Variants in CADPS observed in about 807,000 individuals in gnomAD.
CADPS encodes calcium-dependent secretion activator 1.
CADPS carries 57 observed loss-of-function variants against 167.3 expected under a neutral mutation model. The observed-to-expected ratio is 0.34, with a 90% CI of 0.28 to 0.42. The LOEUF is 0.42. Among genes scored for constraint, CADPS ranks in the 20% least tolerant of loss-of-function variants. The pLI is 1.00. For synonymous variants in CADPS, 676 were observed against 635.3 expected (o/e 1.06, Z -0.96); for missense variants, 1,414 against 1,738.1 (o/e 0.81, Z 3.32).
chr3:62,557,024 C>G (rs942851258), intron 10 of CADPS, among the ~76,000 whole-genome samples: 38 of 151,200 alleles, frequency 2.5e-4, no homozygotes, highest in East Asian at 9.7e-4. Context: ...CACACACACA[C>G]ACACACACAC....
At chr3:62,510,686 C>G (rs2067611947) in intron 17 of CADPS, among the ~76,000 whole-genome samples, 1 of 152,110 alleles carries the variant, frequency 6.6e-6, no homozygotes, top group Admixed American at 6.6e-5. Flanking sequence ...GACTCAGCAG[C>G]TGTCCATATT....
rs1346167805 is a variant in CADPS, at chr3:62,442,210, TGA to T, written c.3669+3553_3669+3554del. ...AATAGTTAGTGGTATGCTGGTAAAC[TGA>T]CTCTTTTTTTTTTTTTGAGATGGAG... On this transcript the variant is annotated intron_variant, in intron 27 of 29. Transcript: ENST00000383710. Among the ~76,000 whole-genome samples, 17 of 139,492 alleles carry T rather than the reference TGA, an allele frequency of 1.2e-4. 2 individuals are homozygous for T. The Admixed American group carries it at 1.2e-3, about 10-fold the overall frequency. 91.5% of individuals were successfully genotyped at this position (139,492 alleles called of 152,430 possible).
chr3:62,737,228 C>T (rs2079157720), intron 3 of CADPS, among the ~76,000 whole-genome samples: 1 of 152,030 alleles, frequency 6.6e-6, no homozygotes, highest in African/African-American at 2.4e-5. Context: ...GTGGGAAGAT[C>T]ACTTGAGGCC....
intron 6 of CADPS, among the ~76,000 whole-genome samples, chr3:62,604,576 A>G (rs1294357616): frequency 6.6e-6 from 1 of 152,242 alleles, no homozygotes; most frequent in East Asian, 1.9e-4. Context: ...GGTTGGAGCT[A>G]AGCAACAGGA....
At chr3:62,475,762 G>C (rs1337792048) in intron 23 of CADPS, among the ~76,000 whole-genome samples, 1 of 152,080 alleles carries the variant, frequency 6.6e-6, no homozygotes, top group Non-Finnish European at 1.5e-5. Flanking sequence ...TACATCATTT[G>C]CCGGTTTTGT....
intron 1 of CADPS, among the ~76,000 whole-genome samples, chr3:62,804,591 G>C (rs778511964): frequency 6.6e-6 from 1 of 151,292 alleles, no homozygotes; most frequent in Non-Finnish European, 1.5e-5. Flanking sequence ...TCAGAGATGA[G>C]AGCTGCAGTA....
At position 62,401,501 on chromosome 3, in the gene CADPS, G is replaced by T. The variant is rs1206064714; in HGVS notation, c.3882+1580C>A. On this transcript the variant is annotated intron_variant, in intron 29 of 29. Transcript: ENST00000383710. ...AATAAATGCTTGCTGAATAATAAATGAATGGGTGAATAAATGAAGTGGCTG... is the reference window on the plus strand; with the variant it reads ...AATAAATGCTTGCTGAATAATAAATTAATGGGTGAATAAATGAAGTGGCTG... Among the ~76,000 whole-genome samples, 6 of 152,178 alleles carry T rather than the reference G, an allele frequency of 3.9e-5. 1 individual carries two copies. The highest frequency in any genetic ancestry group is 1.5e-5 in the Non-Finnish European group (1 of 68,034).
chr3:62,570,354 A>G (rs182775998), intron 9 of CADPS, among the ~76,000 whole-genome samples: 24 of 152,206 alleles, frequency 1.6e-4, no homozygotes, highest in African/African-American at 5.5e-4. Context: ...GAGCACTCCC[A>G]CACAGATAAT....
intron 1 of CADPS, among the ~76,000 whole-genome samples, chr3:62,797,624 T>C (rs1296108445): frequency 6.6e-6 from 1 of 151,892 alleles, no homozygotes; most frequent in African/African-American, 2.4e-5. Context: ...TGAGAACACA[T>C]GGACACATAG....
chr3:62,430,934 G>T (rs540716872), intron 28 of CADPS, among the ~76,000 whole-genome samples: 1 of 152,166 alleles, frequency 6.6e-6, no homozygotes, highest in South Asian at 2.1e-4. Context: ...TCTTCTTCCT[G>T]TAACTGCCTT....
intron 4 of CADPS, among the ~76,000 whole-genome samples, chr3:62,655,132 T>C (rs1008074998): frequency 1.3e-5 from 2 of 152,120 alleles, no homozygotes; most frequent in Non-Finnish European, 2.9e-5. Flanking sequence ...AAGAGGCTCA[T>C]AAAAACTGAA....
chr3:62,793,689 A>G (rs1217600279), intron 1 of CADPS, among the ~76,000 whole-genome samples: 1 of 152,218 alleles, frequency 6.6e-6, no homozygotes, highest in Non-Finnish European at 1.5e-5. Flanking sequence ...AGTTAGATTC[A>G]TGGACTTTCA....
At chr3:62,707,716 A>G (rs2082585585) in intron 3 of CADPS, among the ~76,000 whole-genome samples, 1 of 152,146 alleles carries the variant, frequency 6.6e-6, no homozygotes, top group African/African-American at 2.4e-5. Flanking sequence ...ATAAGAAAAC[A>G]CAATATAAAA....
Position 62,407,982 on chromosome 3 carries a change from A to G in CADPS, c.3778-4797T>C, listed in dbSNP as rs533401196. On this transcript the variant is annotated intron_variant, in intron 28 of 29. Transcript: ENST00000383710. ...ACCCCTGACCTCAGGTGATCTGCCC[A>G]TCTTGGCTTCCCAAAGTGCTGGGAT... Among the ~76,000 whole-genome samples the G allele has an allele frequency of 9.5e-4, 144 of 152,284 alleles. 1 individual carries two copies. Among genetic ancestry groups the G allele is most frequent in the Middle Eastern group, 3.4e-3 (1 of 294 alleles).
At chr3:62,859,782 T>A (rs2080426705) in intron 1 of CADPS, among the ~76,000 whole-genome samples, 1 of 152,214 alleles carries the variant, frequency 6.6e-6, no homozygotes, top group East Asian at 1.9e-4. Context: ...ATCATGTCCT[T>A]TGCAAATGAG....
At chr3:62,769,626 T>C (rs75155109) in intron 1 of CADPS, among the ~76,000 whole-genome samples, 2,736 of 152,282 alleles carry the variant, frequency 0.018, 74 homozygotes, top group African/African-American at 0.062. Context: ...ATTTAGTGCA[T>C]GTGCTCCCTT....
intron 17 of CADPS, among the ~76,000 whole-genome samples, chr3:62,504,171 C>T (rs2066228279): frequency 6.6e-6 from 1 of 152,076 alleles, no homozygotes. Flanking sequence ...AAAAAATTAA[C>T]AGTTTCCTCT....
At chr3:62,780,532 C>T (rs915854073) in intron 1 of CADPS, among the ~76,000 whole-genome samples, 1 of 152,116 alleles carries the variant, frequency 6.6e-6, no homozygotes, top group Non-Finnish European at 1.5e-5. Context: ...CTCTCATTCT[C>T]CAGAAAAACT....
At chr3:62,546,867 GGGTCCTGGA>G (rs561254592) in intron 11 of CADPS, among the ~76,000 whole-genome samples, 26 of 152,226 alleles carry the variant, frequency 1.7e-4, no homozygotes, top group Admixed American at 9.2e-4. Context: ...TATCTGCAGG[GGGTCCTGGA>G]ACCAATTTCC....
Sources: gnomAD v4.1 joint callset for allele counts (sites outside exome capture counted in the v4.1 genomes callset) on GRCh38, gnomAD v4.1.1 for gene constraint, MANE v1.5 for transcripts, NCBI Gene and HGNC (gene_info 2026-07-23, HGNC 2026-07-21) for gene names.